The following CFAP47 variants were observed in gnomAD, a reference collection of about 807,000 sequenced individuals.
The protein encoded by CFAP47 is cilia- and flagella-associated protein 47.
CFAP47 carries 29 observed loss-of-function variants against 148.1 expected under a neutral mutation model. The observed-to-expected ratio is 0.20, with a 90% CI of 0.15 to 0.27. The LOEUF (loss-of-function observed/expected upper bound fraction) is 0.27. Among genes scored for constraint, CFAP47 ranks in the 10% least tolerant of loss-of-function variants. The pLI, the probability that CFAP47 is intolerant of heterozygous loss-of-function variation, is 1.00. For missense variants in CFAP47, 1,872 were observed against 1,697.5 expected, an observed-to-expected ratio of 1.10 and a Z score of -1.81; for synonymous variants, 664 against 577.3, an observed-to-expected ratio of 1.15 and a Z score of -2.15.
chrX:36,174,525 G>A (rs1208250039), intron 39 of CFAP47, among the ~76,000 whole-genome samples: 1 of 109,325 alleles, frequency 9.1e-6, no homozygotes, highest in African/African-American at 3.3e-5. Flanking sequence ...GCATTTGCTT[G>A]TCTGTAAAGG....
At chrX:36,289,733 C>A (rs1204669427) in intron 51 of CFAP47, among the ~76,000 whole-genome samples, 1 of 111,869 alleles carries the variant, frequency 8.9e-6, no homozygotes, top group African/African-American at 3.2e-5. Flanking sequence ...ACATTAATTG[C>A]CAGAATATTT....
chrX:36,040,235 T>C (rs764655178), intron 25 of CFAP47, among the ~76,000 whole-genome samples: 2 of 111,988 alleles, frequency 1.8e-5, no homozygotes, highest in African/African-American at 3.2e-5. Flanking sequence ...GATATAAAAG[T>C]CATCAAATAA....
Position 36,201,134 on chromosome X carries a change from G to C in CFAP47, c.6437-140G>C, listed in dbSNP as rs923148792. On this transcript the variant is annotated intron_variant, in intron 43 of 63. Coordinates refer to ENST00000378653, the MANE Select transcript of CFAP47 (RefSeq NM_001304548.2). ...ACTGAATTAGAACTAATAGACATGT[G>C]CTATGCATTTATTTTTACTCTGTTT... 3 of 283,522 alleles carry C rather than the reference G, an allele frequency of 1.1e-5. No individual in the cohort carries two copies. The Admixed American group carries it at 1.9e-4, about 18-fold the overall frequency. The allele number at this position is 283,522 out of a possible 1,213,427, so 23.4% of individuals were successfully genotyped here.
intron 57 of CFAP47, among the ~76,000 whole-genome samples, chrX:36,331,190 G>A (rs1375789925): frequency 1.8e-5 from 2 of 111,320 alleles, no homozygotes; most frequent in South Asian, 3.7e-4. Context: ...TTTATCTTAC[G>A]TTCTCTCTCA....
chrX:36,046,605 CAT>C (rs1427471859), intron 25 of CFAP47, among the ~76,000 whole-genome samples: 5 of 111,245 alleles, frequency 4.5e-5, no homozygotes, highest in Admixed American at 9.6e-5. Context: ...TCAGGTGTCA[CAT>C]GTCTTTTTAA....
chrX:36,269,077 A>T (rs1556001474), intron 49 of CFAP47, among the ~76,000 whole-genome samples: 1 of 111,467 alleles, frequency 9.0e-6, no homozygotes, highest in Non-Finnish European at 1.9e-5. Context: ...GACTCTGGCC[A>T]CTCTTTACGC....
chrX:35,989,421 A>G lies in CFAP47; in HGVS notation c.2816A>G (p.Asn939Ser). 2 of 1,210,622 alleles carry G rather than the reference A, an allele frequency of 1.7e-6. No individual in the cohort carries two copies. The highest frequency in any genetic ancestry group is 2.2e-6 in the Non-Finnish European group (2 of 894,536). The part of the protein sequence containing the change: ...GEFILHVFQG[N>S]ALKLKCVAHL... ...TTTATTCTTCATGTCTTTCAAGGAA[A>G]CGCGTTGAAGCTAAAATGTGTTGCA... is the stretch of plus-strand genomic sequence containing the variant. Residue 939 changes from asparagine (N) to serine (S), a missense_variant, in exon 16 of 64, where the codon AAC (asparagine) becomes AGC (serine). By Grantham distance (46) the Asn-to-Ser change is conservative. Coordinates refer to ENST00000378653, the MANE Select transcript of CFAP47 (RefSeq NM_001304548.2).
intron 14 of CFAP47, 48 bp from the exon 15 acceptor site, chrX:35,975,624 A>G: frequency 8.5e-7 from 1 of 1,177,636 alleles, no homozygotes; most frequent in South Asian, 1.8e-5. Context: ...TTCTATAATC[A>G]CAAATAACTA....
intron 60 of CFAP47, among the ~76,000 whole-genome samples, chrX:36,358,445 T>A (rs1247497346): frequency 8.9e-6 from 1 of 112,193 alleles, no homozygotes; most frequent in Admixed American, 9.4e-5. Flanking sequence ...CCTGCACCCT[T>A]CCAGACAATG....
chrX:36,081,728 TAAAAAC>T (rs1158073967), intron 29 of CFAP47, among the ~76,000 whole-genome samples: 1 of 111,428 alleles, frequency 9.0e-6, no homozygotes, highest in Non-Finnish European at 1.9e-5. Flanking sequence ...TGTAAGGAAT[TAAAAAC>T]AAAAACTGTG....
chrX:36,192,815 G>T (rs900834865), intron 42 of CFAP47, among the ~76,000 whole-genome samples: 1 of 111,860 alleles, frequency 8.9e-6, no homozygotes, highest in Admixed American at 9.5e-5. Context: ...GAAGCCAGAA[G>T]GGAGGTCAGC....
chrX:35,989,256 T>A, intron 15 of CFAP47, 63 bp from the exon 16 acceptor site: 1 of 887,868 alleles, frequency 1.1e-6, no homozygotes, highest in Non-Finnish European at 1.6e-6. Flanking sequence ...TTTTGGATAT[T>A]AACAAAAAGA....
chrX:36,059,829 T>C (rs1298720869), intron 26 of CFAP47, among the ~76,000 whole-genome samples: 2 of 111,726 alleles, frequency 1.8e-5, no homozygotes, highest in Admixed American at 1.9e-4. Flanking sequence ...CTAATGCGAA[T>C]TGTTTAGGTC....
Position 36,384,793 on chromosome X carries a change from C to A in CFAP47, c.9355-4C>A, listed in dbSNP as rs1475964868. 6.1e-6 allele frequency: 7 copies of A among 1,154,257 alleles called. No homozygotes were observed. The highest frequency in any genetic ancestry group is 8.1e-6 in the Non-Finnish European group (7 of 861,238). On this transcript the variant is annotated splice_polypyrimidine_tract_variant and splice_region_variant and intron_variant, in intron 63 of 63. Transcript: ENST00000378653. ...AATGAAAATTTCTCCCTCTTTCTAT[C>A]CAGACAGAAGAAATGTACTGGAAGT...
chrX:35,958,593 G>A (rs1936278954), intron 8 of CFAP47, among the ~76,000 whole-genome samples: 2 of 111,758 alleles, frequency 1.8e-5, no homozygotes, highest in Admixed American at 1.9e-4. Context: ...AAAGTGGCAT[G>A]TCCTTATGGT....
chrX:35,959,161 T>G (rs2146650935), intron 8 of CFAP47, among the ~76,000 whole-genome samples: 1 of 112,378 alleles, frequency 8.9e-6, no homozygotes. Flanking sequence ...CAACAAGATT[T>G]TTGGTAATTT....
Position 36,063,037 on chromosome X carries a change from T to C in CFAP47, c.4218-2606T>C, listed in dbSNP as rs968883753. ...CATTCACATCGTATCTTTGACCCTC[T>C]TATTGCCAGGAATATTCATTCTGAT... On this transcript the variant is annotated intron_variant, in intron 26 of 63. Transcript: ENST00000378653. 2.7e-5 allele frequency among the ~76,000 whole-genome samples: 3 copies of C among 111,926 alleles called. No individual in the cohort carries two copies. The East Asian group carries it at 8.4e-4, about 31-fold the overall frequency.
chrX:36,015,491 T>C (rs1937086524), intron 22 of CFAP47, among the ~76,000 whole-genome samples: 1 of 111,648 alleles, frequency 9.0e-6, no homozygotes, highest in Admixed American at 9.5e-5. Flanking sequence ...AAGAAGTCTA[T>C]ATTTTGTTTT....
chrX:36,088,626 A>C (rs1165567693), intron 30 of CFAP47, among the ~76,000 whole-genome samples: 1 of 111,039 alleles, frequency 9.0e-6, no homozygotes, highest in Non-Finnish European at 1.9e-5. Context: ...CAAATTTTTG[A>C]CACCTTGATC....
Sources: allele counts gnomAD v4.1 joint callset (sites outside exome capture counted in the v4.1 genomes callset), GRCh38; gene constraint gnomAD v4.1.1; transcripts MANE v1.5; gene names NCBI Gene and HGNC (gene_info 2026-07-23, HGNC 2026-07-21).